ZNF787: variants seen among roughly 807,000 people sequenced by gnomAD.
The protein encoded by ZNF787 is TTF-I-interacting peptide 20.
ZNF787 carries 7 observed loss-of-function variants against 16.9 expected under a neutral mutation model. The observed-to-expected ratio is 0.42, with a 90% CI of 0.24 to 0.78. ZNF787 has a LOEUF of 0.78. ZNF787 is among the 30% of genes least tolerant of loss of function. The pLI, the probability that ZNF787 is intolerant of heterozygous loss-of-function variation, is 0.30. For synonymous variants in ZNF787, 345 were observed against 270.9 expected (o/e 1.27, Z -2.69); for missense variants, 551 against 589.3 (o/e 0.94, Z 0.67).
Position 56,087,800 on chromosome 19 carries a change from G to A in ZNF787, c.*223C>T, listed in dbSNP as rs753042442. The A allele has an allele frequency of 1.1e-4, 76 of 674,100 alleles. No homozygotes were observed. The highest frequency in any genetic ancestry group is 1.5e-4 in the Non-Finnish European group (74 of 488,026). 41.8% of individuals were successfully genotyped at this position (674,100 alleles called of 1,614,324 possible). A position where few individuals can be genotyped will look rare whatever the true frequency, so the allele number is the denominator to read the frequency against. ...CAGGCCGATAACTTAGGAAGGGCGG[G>A]CCAGGCTGAGGGGGCAGAGTCTCGA... On this transcript the variant is annotated 3_prime_UTR_variant, in exon 3 of 3. Transcript: ENST00000610935.
intron 1 of ZNF787, among the ~76,000 whole-genome samples, chr19:56,105,001 G>T (rs1214052620): frequency 6.6e-6 from 1 of 152,146 alleles, no homozygotes; most frequent in East Asian, 1.9e-4. Flanking sequence ...GGTGGCAGGG[G>T]CCTGTAATCC....
intron 2 of ZNF787, among the ~76,000 whole-genome samples, chr19:56,091,047 T>C (rs887667246): frequency 6.6e-6 from 1 of 152,196 alleles, no homozygotes; most frequent in African/African-American, 2.4e-5. Flanking sequence ...TCTGGAGAGA[T>C]GGCATGGAGC....
At chr19:56,105,200 C>T (rs1346755265) in intron 1 of ZNF787, among the ~76,000 whole-genome samples, 4 of 152,122 alleles carry the variant, frequency 2.6e-5, no homozygotes, top group Admixed American at 6.5e-5. Flanking sequence ...GCCCTCCCAG[C>T]CCTTCTCCCA....
rs540049553 is a variant in ZNF787, at chr19:56,113,574, G to A, written c.-11+7598C>T. Reference sequence around the variant, plus strand: ...TGTGACAGGGATGACCCTCGAACACGGCACGCTTGGTAAAACAAGCCCGAT... The same window carrying A: ...TGTGACAGGGATGACCCTCGAACACAGCACGCTTGGTAAAACAAGCCCGAT... On this transcript the variant is annotated intron_variant, in intron 1 of 2. Coordinates refer to ENST00000610935, the MANE Select transcript of ZNF787 (RefSeq NM_001002836.4). 9.2e-5 allele frequency among the ~76,000 whole-genome samples: 14 copies of A among 152,244 alleles called. 1 individual carries two copies. The highest frequency in any genetic ancestry group is 3.4e-3 in the Middle Eastern group (1 of 294).
intron 2 of ZNF787, among the ~76,000 whole-genome samples, chr19:56,100,163 C>G (rs1986038503): frequency 6.6e-6 from 1 of 152,198 alleles, no homozygotes; most frequent in Non-Finnish European, 1.5e-5. Flanking sequence ...GGCATCTACC[C>G]CAAGGCCTCT....
At chr19:56,097,895 T>G (rs1434147223) in intron 2 of ZNF787, among the ~76,000 whole-genome samples, 1 of 151,624 alleles carries the variant, frequency 6.6e-6, no homozygotes, top group East Asian at 1.9e-4. Flanking sequence ...AGAGATGGGG[T>G]GGGGAGGTTC....
intron 1 of ZNF787, among the ~76,000 whole-genome samples, chr19:56,109,366 A>T (rs748227947): frequency 5.3e-5 from 8 of 152,070 alleles, no homozygotes; most frequent in Non-Finnish European, 1.2e-4. Context: ...TCTTCCTGCA[A>T]GCAGATGAAA....
intron 1 of ZNF787, among the ~76,000 whole-genome samples, chr19:56,118,405 T>G (rs2123434815): frequency 6.6e-6 from 1 of 152,284 alleles, no homozygotes; most frequent in East Asian, 1.9e-4. Context: ...CCTAGAGGAC[T>G]TCGGAACAGC....
chr19:56,113,574 G>GGCAC lies in ZNF787; in HGVS notation c.-11+7594_-11+7597dup, dbSNP rs199700775. Among the ~76,000 whole-genome samples, 399 of 152,244 alleles carry GGCAC rather than the reference G, an allele frequency of 2.6e-3. 1 individual carries two copies. The highest frequency in any genetic ancestry group is 9.1e-3 in the African/African-American group (379 of 41,536). Reference sequence around the variant, plus strand: ...TGTGACAGGGATGACCCTCGAACACGGCACGCTTGGTAAAACAAGCCCGAT... The same window carrying GGCAC: ...TGTGACAGGGATGACCCTCGAACACGGCACGCACGCTTGGTAAAACAAGCCCGAT... On this transcript the variant is annotated intron_variant, in intron 1 of 2. Coordinates refer to ENST00000610935, the MANE Select transcript of ZNF787 (RefSeq NM_001002836.4).
At chr19:56,114,259 C>T (rs1193364660) in intron 1 of ZNF787, among the ~76,000 whole-genome samples, 1 of 151,950 alleles carries the variant, frequency 6.6e-6, no homozygotes, top group African/African-American at 2.4e-5. Context: ...TGGCCAGGCC[C>T]GGTCTTTCAC....
chr19:56,093,893 T>C (rs1340233788), intron 2 of ZNF787, among the ~76,000 whole-genome samples: 2 of 152,226 alleles, frequency 1.3e-5, no homozygotes, highest in African/African-American at 2.4e-5. Context: ...TTAAGGGGTG[T>C]TCCTTGAATG....
intron 2 of ZNF787, among the ~76,000 whole-genome samples, chr19:56,100,838 A>G (rs1986065650): frequency 2.3e-5 from 3 of 127,966 alleles, no homozygotes; most frequent in Admixed American, 8.1e-5. Flanking sequence ...CTCCACCCCC[A>G]CCTACGATGT....
At position 56,087,782 on chromosome 19, in the gene ZNF787, A is replaced by AT. The variant is rs1568519772; in HGVS notation, c.*240dup. On this transcript the variant is annotated 3_prime_UTR_variant, in exon 3 of 3. Transcript: ENST00000610935. ...CATTGTCTCTCCGGCTCGCAGGCCGATAACTTAGGAAGGGCGGGCCAGGCT... is the reference window on the plus strand; with the variant it reads ...CATTGTCTCTCCGGCTCGCAGGCCGATTAACTTAGGAAGGGCGGGCCAGGCT... 5.6e-6 allele frequency: 3 copies of AT among 537,800 alleles called. No homozygotes were observed. Among genetic ancestry groups the AT allele is most frequent in the Non-Finnish European group, 8.0e-6 (3 of 373,746 alleles). 33.3% of individuals were successfully genotyped at this position (537,800 alleles called of 1,614,324 possible).
In ZNF787 at chr19:56,088,613, A is replaced by G; in HGVS notation, c.559T>C (p.Phe187Leu). 1 of 1,520,882 alleles carries G rather than the reference A, an allele frequency of 6.6e-7. No individual in the cohort carries two copies. The highest frequency in any genetic ancestry group is 8.8e-7 in the Non-Finnish European group (1 of 1,141,278). The allele number at this position is 1,520,882 out of a possible 1,614,324, so 94.2% of individuals were successfully genotyped here. ...PFVCPRCGRG[F>L]SQPKSLARHL... ...CGCGCGAGGCTCTTGGGCTGGCTGA[A>G]GCCGCGGCCGCAGCGCGGGCACACG... Residue 187 changes from phenylalanine (F) to leucine (L), a missense_variant, in exon 3 of 3, where the codon TTC (phenylalanine) becomes CTC (leucine). This residue lies in a region of ZNF787 where 392 missense variants were observed against 312.7 expected (regional missense o/e 1.25). Coordinates refer to ENST00000610935, the MANE Select transcript of ZNF787 (RefSeq NM_001002836.4). This position sits in a 1 kb window ranked among gnomAD's most constrained non-coding sequence, Gnocchi z 8.6.
Position 56,088,006 on chromosome 19 carries a change from C to A in ZNF787, c.*17G>T, listed in dbSNP as rs753491682. ...AGCCCGAGGGGCCCTGCCCGCCCCC[C>A]CCCCCGGGCCCCTCCCCTACCGGCC... On this transcript the variant is annotated 3_prime_UTR_variant, in exon 3 of 3. Coordinates refer to ENST00000610935, the MANE Select transcript of ZNF787 (RefSeq NM_001002836.4). The surrounding 1 kb of genome is among the most constrained non-coding windows in gnomAD (Gnocchi z 8.6). 7 of 1,195,340 alleles carry A rather than the reference C, an allele frequency of 5.9e-6. No homozygotes were observed. The highest frequency in any genetic ancestry group is 6.3e-5 in the South Asian group (2 of 31,886). The allele number at this position is 1,195,340 out of a possible 1,614,324, so 74.0% of individuals were successfully genotyped here. A position where few individuals can be genotyped will look rare whatever the true frequency, so the allele number is the denominator to read the frequency against.
Position 56,088,245 on chromosome 19 carries a change from C to A in ZNF787, c.927G>T (p.Ala309=). The change falls in exon 3 of 3, where the codon GCG becomes GCT. Residue 309 remains alanine, a synonymous_variant. Coordinates refer to ENST00000610935, the MANE Select transcript of ZNF787 (RefSeq NM_001002836.4). The surrounding 1 kb of genome is among the most constrained non-coding windows in gnomAD (Gnocchi z 8.6). ...QRAQHGDGLG[A]AGGEEPAHIC... ...TGTGGGCCGGCTCCTCGCCCCCCGCCGCCCCGAGCCCGTCCCCGTGCTGGG... is the reference window on the plus strand; with the variant it reads ...TGTGGGCCGGCTCCTCGCCCCCCGCAGCCCCGAGCCCGTCCCCGTGCTGGG... The A allele has an allele frequency of 6.8e-7, 1 of 1,474,214 alleles. No homozygotes were observed. The highest frequency in any genetic ancestry group is 9.0e-7 in the Non-Finnish European group (1 of 1,116,980). The allele number at this position is 1,474,214 out of a possible 1,614,324, so 91.3% of individuals were successfully genotyped here. A position where few individuals can be genotyped will look rare whatever the true frequency, so the allele number is the denominator to read the frequency against.
In ZNF787 at chr19:56,087,846, C is replaced by G. The variant is rs1369970702; in HGVS notation, c.*177G>C. On this transcript the variant is annotated 3_prime_UTR_variant, in exon 3 of 3. Coordinates refer to ENST00000610935, the MANE Select transcript of ZNF787 (RefSeq NM_001002836.4). ...CTCGAGGCGGAGAAGTGAACGGGCC[C>G]TAATACGCCCCAGTGCCCCCCCACG... The G allele has an allele frequency of 2.8e-6, 3 of 1,056,868 alleles. No homozygotes were observed. The highest frequency in any genetic ancestry group is 3.5e-4 in the Middle Eastern group (1 of 2,820). The allele number at this position is 1,056,868 out of a possible 1,614,324, so 65.5% of individuals were successfully genotyped here.
intron 1 of ZNF787, among the ~76,000 whole-genome samples, chr19:56,115,677 C>CGTCA (rs2030114074): frequency 6.6e-6 from 1 of 152,140 alleles, no homozygotes; most frequent in Non-Finnish European, 1.5e-5. Flanking sequence ...ACACCCTCCC[C>CGTCA]GTCAGAGCCG....
chr19:56,108,830 G>A (rs188155023), intron 1 of ZNF787, among the ~76,000 whole-genome samples: 35 of 152,284 alleles, frequency 2.3e-4, no homozygotes, highest in African/African-American at 7.2e-4. Context: ...TGGGTGCCTC[G>A]GATGGAAGAG....
Sources: gnomAD v4.1 joint callset for allele counts (sites outside exome capture counted in the v4.1 genomes callset) on GRCh38, gnomAD v4.1.1 for gene constraint, gnomAD v4.1.1 regional missense constraint, Gnocchi (gnomAD v3.1) non-coding constraint, MANE v1.5 for transcripts, NCBI Gene and HGNC (gene_info 2026-07-23, HGNC 2026-07-21) for gene names.